ASTN2: variants seen among roughly 807,000 people sequenced by gnomAD.
ASTN2 encodes astrotactin 2.
ASTN2 carries 54 observed loss-of-function variants against 139.8 expected under a neutral mutation model. The observed-to-expected ratio is 0.39, with a 90% CI of 0.31 to 0.48. The LOEUF (loss-of-function observed/expected upper bound fraction) is 0.48, where lower values mean the gene tolerates loss of function less well. Ranked by LOEUF, ASTN2 falls within the 20% of genes least tolerant of loss-of-function variation. The pLI is 0.95. For missense variants in ASTN2, 1,565 were observed against 1,725.1 expected (o/e 0.91, Z 1.64); for synonymous variants, 756 against 719.5 (o/e 1.05, Z -0.81).
chr9:116,462,158 C>G (rs989032246), intron 20 of ASTN2, among the ~76,000 whole-genome samples: 15 of 152,140 alleles, frequency 9.9e-5, no homozygotes, highest in Non-Finnish European at 1.9e-4. Flanking sequence ...ACAATTTGAG[C>G]CCCCATGGGA....
intron 13 of ASTN2, among the ~76,000 whole-genome samples, chr9:116,743,242 AT>A (rs1246736739): frequency 1.3e-5 from 2 of 152,244 alleles, no homozygotes; most frequent in African/African-American, 4.8e-5. Flanking sequence ...AATGTTTTGT[AT>A]CCTTAATCAA....
intron 19 of ASTN2, among the ~76,000 whole-genome samples, chr9:116,532,744 A>G (rs1851412857): frequency 6.6e-6 from 1 of 152,164 alleles, no homozygotes; most frequent in Non-Finnish European, 1.5e-5. Context: ...TACCAGTACT[A>G]TGCTGTTTTG....
chr9:116,632,164 G>C (rs867959723), intron 17 of ASTN2, among the ~76,000 whole-genome samples: 398 of 33,936 alleles, frequency 0.012, 3 homozygotes, highest in African/African-American at 0.052. Flanking sequence ...GAGACAGAGA[G>C]AGAGAGAGAG....
rs147880287 is a variant in ASTN2, at chr9:116,645,287, G to A, written c.3072+6241C>T. ...GCTGAGCCAAGCTCTGTGGCTTTGG[G>A]CTGTGTAAGAGCCATTTAACAGGTG... On this transcript the variant is annotated intron_variant, in intron 17 of 22. Coordinates refer to ENST00000313400, the MANE Select transcript of ASTN2 (RefSeq NM_001365068.1). Among the ~76,000 whole-genome samples the A allele has an allele frequency of 7.4e-3, 1,126 of 152,270 alleles. 16 individuals carry two copies. Among genetic ancestry groups the A allele is most frequent in the African/African-American group, 0.025 (1,049 of 41,556 alleles).
rs1306397698 is a variant in ASTN2, at chr9:117,120,018, G to GTGTGTGTGTATATATATATATA, written c.1168+21307_1168+21308insTATATATATATATACACACACA. On this transcript the variant is annotated intron_variant, in intron 4 of 22. Transcript: ENST00000313400. ...TGTGTGTGTGTGTGTGTGTGTGTGT[G>GTGTGTGTGTATATATATATATA]TATATATATATATATATATATATAT... Among the ~76,000 whole-genome samples, 74 of 45,962 alleles carry GTGTGTGTGTATATATATATATA rather than the reference G, an allele frequency of 1.6e-3. 1 individual carries two copies. The highest frequency in any genetic ancestry group is 5.6e-3 in the African/African-American group (68 of 12,160). The allele number at this position is 45,962 out of a possible 152,430, so 30.2% of individuals were successfully genotyped here. A position where few individuals can be genotyped will look rare whatever the true frequency, so the allele number is the denominator to read the frequency against.
chr9:116,805,444 C>G (rs560487461), intron 13 of ASTN2, among the ~76,000 whole-genome samples, 188 bp downstream of exon 13: 2 of 152,126 alleles, frequency 1.3e-5, no homozygotes, highest in South Asian at 4.2e-4. Context: ...ATGCTAGGAC[C>G]ATGAAAAAGA....
chr9:116,788,262 C>T (rs578165947), intron 13 of ASTN2, among the ~76,000 whole-genome samples: 2 of 152,204 alleles, frequency 1.3e-5, no homozygotes, highest in Admixed American at 6.5e-5. Flanking sequence ...TAGTCCATTG[C>T]TCAGTGTGGT....
chr9:116,524,920 G>A (rs954882687), intron 19 of ASTN2, among the ~76,000 whole-genome samples: 5 of 152,166 alleles, frequency 3.3e-5, no homozygotes, highest in Non-Finnish European at 7.3e-5. Context: ...AGGAGAAGTG[G>A]AGCACTGGTA....
At chr9:116,808,075 C>G (rs1831073332) in intron 12 of ASTN2, among the ~76,000 whole-genome samples, 1 of 152,132 alleles carries the variant, frequency 6.6e-6, no homozygotes, top group Admixed American at 6.5e-5. Flanking sequence ...GATCATGCCA[C>G]TGCACTCCAG....
At chr9:117,081,369 C>T (rs1386037529) in intron 5 of ASTN2, among the ~76,000 whole-genome samples, 1 of 152,030 alleles carries the variant, frequency 6.6e-6, no homozygotes, top group Non-Finnish European at 1.5e-5. Flanking sequence ...CCCTCAGCCC[C>T]TTCACTTTCC....
Position 116,442,625 on chromosome 9 carries a change from C to T in ASTN2, c.3498-72G>A, listed in dbSNP as rs1847873053. ...AGGCCCTGGGAGTTGCAGGGAAGAA[C>T]AGAGAGTCATGGCACATGAGGCTAC... On this transcript the variant is annotated intron_variant, in intron 20 of 22. Coordinates refer to ENST00000313400, the MANE Select transcript of ASTN2 (RefSeq NM_001365068.1). 3.3e-6 allele frequency: 4 copies of T among 1,214,154 alleles called. No homozygotes were observed. In the Admixed American group the frequency reaches 5.1e-5, roughly 15 times the overall value. 75.2% of individuals were successfully genotyped at this position (1,214,154 alleles called of 1,614,324 possible).
At chr9:117,115,512 G>C (rs1168349397) in intron 4 of ASTN2, among the ~76,000 whole-genome samples, 2 of 152,142 alleles carry the variant, frequency 1.3e-5, no homozygotes, top group Non-Finnish European at 2.9e-5. Context: ...GACAGAGTGA[G>C]ACTTTGTCTC....
intron 19 of ASTN2, among the ~76,000 whole-genome samples, chr9:116,581,231 T>C (rs1853938445): frequency 6.6e-6 from 1 of 152,144 alleles, no homozygotes; most frequent in Admixed American, 6.5e-5. Context: ...CAAGCTTGTC[T>C]CAGCTGGATG....
intron 4 of ASTN2, among the ~76,000 whole-genome samples, chr9:117,135,301 G>A (rs1037473311): frequency 2.0e-5 from 3 of 152,112 alleles, no homozygotes; most frequent in Non-Finnish European, 4.4e-5. Flanking sequence ...TGTTGAATGG[G>A]GATAATTATA....
intron 2 of ASTN2, among the ~76,000 whole-genome samples, chr9:117,225,574 T>TATATATATATATATACATAC (rs371374987): frequency 1.3e-5 from 1 of 77,946 alleles, no homozygotes; most frequent in Non-Finnish European, 2.6e-5. Flanking sequence ...TATATATATA[T>TATATATATATATATACATAC]ACAGATGAAC....
intron 20 of ASTN2, 111 bp downstream of exon 20, chr9:116,487,248 G>A (rs1344444077): frequency 1.5e-6 from 2 of 1,348,638 alleles, no homozygotes; most frequent in African/African-American, 2.9e-5. Flanking sequence ...GCACATACAG[G>A]CTAGCTAATA....
chr9:117,292,029 C>A (rs1834606930), intron 1 of ASTN2, among the ~76,000 whole-genome samples: 1 of 152,098 alleles, frequency 6.6e-6, no homozygotes, highest in African/African-American at 2.4e-5. Flanking sequence ...AAGGAGCTTG[C>A]CAAGAGGGTT....
chr9:117,016,671 T>A (rs1432649605), intron 6 of ASTN2, among the ~76,000 whole-genome samples: 5 of 132,788 alleles, frequency 3.8e-5, no homozygotes, highest in Non-Finnish European at 6.2e-5. Flanking sequence ...ATATATATGT[T>A]ACATATATAT....
chr9:117,135,251 G>A (rs1489529528), intron 4 of ASTN2, among the ~76,000 whole-genome samples: 4 of 152,356 alleles, frequency 2.6e-5, no homozygotes, highest in South Asian at 4.1e-4. Context: ...AGTAAACTTA[G>A]ACAAGTGACT....
Sources: gnomAD v4.1 joint callset for allele counts (sites outside exome capture counted in the v4.1 genomes callset) on GRCh38, gnomAD v4.1.1 for gene constraint, MANE v1.5 for transcripts, NCBI Gene and HGNC (gene_info 2026-07-23, HGNC 2026-07-21) for gene names.